L3MBTL3: variants seen among roughly 807,000 people sequenced by gnomAD.
The protein encoded by L3MBTL3 is L3MBTL histone methyl-lysine binding protein 3.
A neutral mutation model predicts 102.3 loss-of-function variants in L3MBTL3; 27 were observed. That is an observed-to-expected ratio of 0.26 (90% CI 0.19 to 0.36). The LOEUF is 0.36. Among genes scored for constraint, L3MBTL3 ranks in the 10% least tolerant of loss-of-function variants. The pLI is 1.00. For missense variants in L3MBTL3, 798 were observed against 955.3 expected, an observed-to-expected ratio of 0.84 and a Z score of 2.17; for synonymous variants, 340 against 320.9, an observed-to-expected ratio of 1.06 and a Z score of -0.64.
chr6:130,039,251 A>G (rs541113797), intron 2 of L3MBTL3, among the ~76,000 whole-genome samples: 77 of 152,178 alleles, frequency 5.1e-4, no homozygotes, highest in Middle Eastern at 6.8e-3. Flanking sequence ...ATTCCTTTCA[A>G]TTTGTACCTG....
intron 16 of L3MBTL3, among the ~76,000 whole-genome samples, chr6:130,089,108 G>A (rs1584406350): frequency 1.3e-5 from 2 of 151,992 alleles, no homozygotes; most frequent in East Asian, 1.9e-4. Flanking sequence ...GGATATATGT[G>A]TACAACGTGC....
chr6:130,104,534 A>G lies in L3MBTL3; in HGVS notation c.1845A>G (p.Lys615=). ...CTAGTCCGTCATTTCCAAGAAATAA[A>G]AGGACAGATGCAAATGAAAGCTCTT... ...PPASPSFPRN[K]RTDANESSSS... is the part of the protein sequence containing the mutation. Residue 615 remains lysine (K), a synonymous_variant, in exon 19 of 23, where the codon AAA becomes AAG. Transcript: ENST00000361794. 1.3e-6 allele frequency: 2 copies of G among 1,592,362 alleles called. No homozygotes were observed. Among genetic ancestry groups the G allele is most frequent in the Non-Finnish European group, 1.7e-6 (2 of 1,171,190 alleles).
chr6:130,111,459 AG>A (rs1448176376), intron 19 of L3MBTL3, among the ~76,000 whole-genome samples: 1 of 152,206 alleles, frequency 6.6e-6, no homozygotes, highest in Non-Finnish European at 1.5e-5. Context: ...CAGGTGAGAC[AG>A]GTGGATCAGG....
intron 22 of L3MBTL3, among the ~76,000 whole-genome samples, chr6:130,139,230 C>G (rs1293064020): frequency 6.6e-6 from 1 of 151,906 alleles, no homozygotes; most frequent in Non-Finnish European, 1.5e-5. Context: ...TTTATGTCCA[C>G]AAACATTCAT....
chr6:130,096,594 A>G (rs995562246), intron 18 of L3MBTL3, among the ~76,000 whole-genome samples: 1 of 152,220 alleles, frequency 6.6e-6, no homozygotes, highest in Admixed American at 6.5e-5. Context: ...TGCCTTTCAC[A>G]GCAAGGCCCG....
intron 20 of L3MBTL3, among the ~76,000 whole-genome samples, chr6:130,131,061 A>G (rs1034775051): frequency 3.9e-5 from 6 of 152,250 alleles, no homozygotes; most frequent in Non-Finnish European, 7.3e-5. Flanking sequence ...CCTGAAAATG[A>G]CAAAATATTA....
At chr6:130,062,387 C>CT (rs879263408) in intron 10 of L3MBTL3, among the ~76,000 whole-genome samples, 146 of 143,946 alleles carry the variant, frequency 1.0e-3, no homozygotes, top group African/African-American at 1.3e-3. Flanking sequence ...CACACACACA[C>CT]TTTTTTTTTT....
At chr6:130,118,645 GTTCTTC>G (rs759355203) in intron 19 of L3MBTL3, among the ~76,000 whole-genome samples, 49 of 152,156 alleles carry the variant, frequency 3.2e-4, no homozygotes, top group Admixed American at 5.2e-4. Context: ...TTTTTGTGGA[GTTCTTC>G]ATGTTTGGTA....
chr6:130,024,312 A>T (rs1307121905), intron 2 of L3MBTL3, among the ~76,000 whole-genome samples: 2 of 152,130 alleles, frequency 1.3e-5, no homozygotes, highest in Admixed American at 6.5e-5. Context: ...AATCTAGATT[A>T]AAAAAATTGT....
At chr6:130,042,949 T>G (rs1371291322) in intron 3 of L3MBTL3, 148 bp downstream of exon 3, 1 of 535,206 alleles carries the variant, frequency 1.9e-6, no homozygotes, top group Non-Finnish European at 3.3e-6. Flanking sequence ...ACAATAAATT[T>G]GCAAGACAAT....
rs966337027 is a variant in L3MBTL3 at position 130,022,306 on chromosome 6, G to A, written c.-16+1G>A. The A allele has an allele frequency of 4.6e-5, 7 of 152,184 alleles. No homozygotes were observed. Among genetic ancestry groups the A allele is most frequent in the Non-Finnish European group, 5.9e-5 (4 of 68,024 alleles). 9.4% of individuals were successfully genotyped at this position (152,184 alleles called of 1,614,324 possible). On this transcript the variant is annotated splice_donor_variant, in intron 2 of 22. Transcript: ENST00000361794. LOFTEE classifies it low-confidence loss of function (5UTR_SPLICE). ...TTCTGTGTTTCATCACCGCCGAAAG[G>A]TAAGACCCACTTGTTGAAATAAATT... is the stretch of plus-strand genomic sequence containing the variant.
chr6:130,069,254 A>G (rs1312638259), intron 12 of L3MBTL3, among the ~76,000 whole-genome samples: 1 of 152,212 alleles, frequency 6.6e-6, no homozygotes, highest in Non-Finnish European at 1.5e-5. Flanking sequence ...CCAGGCTGGT[A>G]GCAGTGAGTG....
At chr6:130,118,508 G>A (rs1421907531) in intron 19 of L3MBTL3, among the ~76,000 whole-genome samples, 4 of 152,122 alleles carry the variant, frequency 2.6e-5, no homozygotes, top group Admixed American at 6.5e-5. Context: ...GATTGACCCC[G>A]TCTTCCACCT....
chr6:130,105,177 A>G (rs974628590), intron 19 of L3MBTL3, among the ~76,000 whole-genome samples: 1 of 152,204 alleles, frequency 6.6e-6, no homozygotes, highest in African/African-American at 2.4e-5. Context: ...GAAAGAACAG[A>G]TTAGGAAAAA....
chr6:130,086,471 AGTAT>A (rs1450370782), intron 16 of L3MBTL3, among the ~76,000 whole-genome samples: 1 of 152,198 alleles, frequency 6.6e-6, no homozygotes, highest in African/African-American at 2.4e-5. Context: ...TAATATTTTG[AGTAT>A]GTATTTGGAG....
intron 19 of L3MBTL3, among the ~76,000 whole-genome samples, chr6:130,119,347 C>T (rs2115479413): frequency 6.6e-6 from 1 of 152,194 alleles, no homozygotes; most frequent in Non-Finnish European, 1.5e-5. Flanking sequence ...AGAATTTGTG[C>T]ACTCAATATT....
intron 12 of L3MBTL3, among the ~76,000 whole-genome samples, chr6:130,070,603 CTG>C (rs1050713105): frequency 1.3e-4 from 20 of 152,018 alleles, no homozygotes; most frequent in Admixed American, 9.2e-4. Context: ...ATTGTTAAGT[CTG>C]TAATCAAGAA....
chr6:130,031,442 A>G (rs1779718453), intron 2 of L3MBTL3, among the ~76,000 whole-genome samples: 1 of 152,234 alleles, frequency 6.6e-6, no homozygotes, highest in South Asian at 2.1e-4. Context: ...ACTCTGGGAA[A>G]CTTTGGCTGG....
intron 12 of L3MBTL3, 25 bp from the exon 13 acceptor site, chr6:130,070,951 T>C (rs1424647083): frequency 1.2e-5 from 20 of 1,606,302 alleles, no homozygotes; most frequent in Non-Finnish European, 1.6e-5. Context: ...TGCTTATCTC[T>C]AATTAAATCT....
Sources: allele counts gnomAD v4.1 joint callset (sites outside exome capture counted in the v4.1 genomes callset), GRCh38; gene constraint gnomAD v4.1.1; transcripts MANE v1.5; gene names NCBI Gene and HGNC (gene_info 2026-07-23, HGNC 2026-07-21).